Variants in TRIM36 observed in about 807,000 individuals in gnomAD.
TRIM36 encodes the protein tripartite motif containing 36.
In TRIM36, 42 loss-of-function variants were observed where a neutral mutation model predicts 72.4. That is an observed-to-expected ratio of 0.58 (90% CI 0.45 to 0.75). The LOEUF (loss-of-function observed/expected upper bound fraction) is 0.75, where lower values mean the gene tolerates loss of function less well. Among genes scored for constraint, TRIM36 ranks in the 30% least tolerant of loss-of-function variants. TRIM36 has a pLI of 0.00. For missense variants in TRIM36, 913 were observed against 857.1 expected (o/e 1.07, Z -0.81); for synonymous variants, 315 against 282.8 (o/e 1.11, Z -1.14).
In TRIM36 at chr5:115,144,640, GT is replaced by G; in HGVS notation, c.692del (p.Asn231ThrfsTer4). 1 of 1,614,138 alleles carries G rather than the reference GT, an allele frequency of 6.2e-7. No individual in the cohort carries two copies. The highest frequency in any genetic ancestry group is 8.5e-7 in the Non-Finnish European group (1 of 1,180,024). ...CACTGCTCATAGTGGTTACACGGTG[GT>G]TGGCATGATTACCACCCAACTTACA... ...HLCKLGGNHA[N>X]HRVTTMSSAY... On this transcript the variant is annotated frameshift_variant, in exon 4 of 10. Transcript: ENST00000513154. LOFTEE classifies it high-confidence loss of function.
chr5:115,173,187 A>C (rs1335442205), upstream of TRIM36, among the ~76,000 whole-genome samples: 1 of 152,142 alleles, frequency 6.6e-6, no homozygotes, highest in Non-Finnish European at 1.5e-5. Context: ...CAGTTCCTCA[A>C]GTTAAAATCC....
At chr5:115,129,287 G>A (rs1752525206) in intron 9 of TRIM36, among the ~76,000 whole-genome samples, 1 of 152,210 alleles carries the variant, frequency 6.6e-6, no homozygotes, top group African/African-American at 2.4e-5. Flanking sequence ...TACAGGCCAG[G>A]TGCGGTGGCT....
chr5:115,147,390 C>T lies in TRIM36; in HGVS notation c.267G>A (p.Trp89Ter), dbSNP rs1753649934. The change falls in exon 3 of 10, where the codon TGG (tryptophan) becomes TGA (stop). Residue 89 changes from tryptophan (W) to a stop codon, truncating the protein, a stop_gained. Coordinates refer to ENST00000513154, the MANE Select transcript of TRIM36 (RefSeq NM_001300759.2). LOFTEE classifies it high-confidence loss of function. Reference protein sequence around the residue: ...DKIDRINRPGWKRNSLTPRTT... With the variant: ...DKIDRINRPG ...TCCTCGGGGTCAATGAATTGCGCTT[C>T]CAGCCTGTGTAATTAGTAAGTCTTT... 1 of 1,608,944 alleles carries T rather than the reference C, an allele frequency of 6.2e-7. No individual in the cohort carries two copies. The highest frequency in any genetic ancestry group is 8.5e-7 in the Non-Finnish European group (1 of 1,175,544).
upstream of TRIM36, among the ~76,000 whole-genome samples, chr5:115,172,261 TACC>T (rs2126952907): frequency 6.6e-6 from 1 of 152,316 alleles, no homozygotes; most frequent in South Asian, 2.1e-4. Context: ...TAAATATTTT[TACC>T]TTTTGACTAA....
chr5:115,175,689 A>C (rs200304502), intron 1 of TRIM36, among the ~76,000 whole-genome samples: 1 of 146,682 alleles, frequency 6.8e-6, no homozygotes, highest in Non-Finnish European at 1.5e-5. Context: ...TAGTAAAAAA[A>C]AATAAGAGGA....
At chr5:115,148,341 G>A in intron 2 of TRIM36, 7 of 984,272 alleles carry the variant, frequency 7.1e-6, no homozygotes, top group Non-Finnish European at 8.4e-6. Flanking sequence ...CTTACCCATT[G>A]GTTCACAGGA....
intron 4 of TRIM36, 69 bp downstream of exon 4, chr5:115,144,529 A>T: frequency 1.0e-5 from 16 of 1,580,192 alleles, no homozygotes; most frequent in Non-Finnish European, 1.4e-5. Context: ...ATGATTTTAT[A>T]AATGAAAAGT....
intron 2 of TRIM36, among the ~76,000 whole-genome samples, chr5:115,160,303 T>G (rs1754412904): frequency 6.6e-6 from 1 of 152,150 alleles, no homozygotes; most frequent in African/African-American, 2.4e-5. Context: ...GTAGCCATAT[T>G]AAAAAAATTG....
intron 5 of TRIM36, among the ~76,000 whole-genome samples, chr5:115,140,673 T>TAC (rs1481172341): frequency 6.6e-6 from 1 of 152,212 alleles, no homozygotes; most frequent in Non-Finnish European, 1.5e-5. Context: ...TATTCCTTTG[T>TAC]ATCTGGCGCC....
upstream of TRIM36, among the ~76,000 whole-genome samples, chr5:115,172,877 G>A (rs893759382): frequency 6.6e-6 from 1 of 152,190 alleles, no homozygotes; most frequent in African/African-American, 2.4e-5. Flanking sequence ...GGAGAAGTAA[G>A]GGATGGAGTT....
chr5:115,175,817 A>T (rs927059399), intron 1 of TRIM36, among the ~76,000 whole-genome samples: 2 of 152,198 alleles, frequency 1.3e-5, no homozygotes, highest in African/African-American at 2.4e-5. Flanking sequence ...ACATATATTT[A>T]AAAAACCTTT....
At chr5:115,148,223 T>C in intron 2 of TRIM36, 2 of 616,938 alleles carry the variant, frequency 3.2e-6, no homozygotes, top group Non-Finnish European at 4.0e-6. Flanking sequence ...CCAAAAACAC[T>C]ACAAATAATT....
chr5:115,129,666 T>C (rs971882373), intron 9 of TRIM36, among the ~76,000 whole-genome samples: 2 of 152,316 alleles, frequency 1.3e-5, no homozygotes, highest in Non-Finnish European at 2.9e-5. Context: ...AAAAAGCATG[T>C]TTCATTCTCA....
At chr5:115,170,874 G>A (rs1436231901), upstream of TRIM36, among the ~76,000 whole-genome samples, 1 of 152,230 alleles carries the variant, frequency 6.6e-6, no homozygotes, top group Non-Finnish European at 1.5e-5. Context: ...GAACGTTAAG[G>A]CGCGCGCCAG....
chr5:115,137,087 G>T lies in TRIM36; in HGVS notation c.1123C>A (p.Pro375Thr). 2.5e-6 allele frequency: 4 copies of T among 1,607,952 alleles called. No homozygotes were observed. Among genetic ancestry groups the T allele is most frequent in the Admixed American group, 1.7e-5 (1 of 58,920 alleles). ...TCTTCAAAAGAAGTCTGAGCTGCAG[G>T]TCTAAAGCTCTTCAAAGATTCTGTG... is the stretch of plus-strand genomic sequence containing the variant. Reference protein sequence around the residue: ...KATESLKSFRPAAQTSFEDYV... With the variant: ...KATESLKSFRTAAQTSFEDYV... Residue 375 changes from proline to threonine, a missense_variant, in exon 7 of 10, where the codon CCT (proline) becomes ACT (threonine). Coordinates refer to ENST00000513154, the MANE Select transcript of TRIM36 (RefSeq NM_001300759.2).
At chr5:115,141,736 G>C (rs1753288264) in intron 4 of TRIM36, among the ~76,000 whole-genome samples, 1 of 151,972 alleles carries the variant, frequency 6.6e-6, no homozygotes, top group Non-Finnish European at 1.5e-5. Context: ...AAATAGTTTT[G>C]TCTTCAGATT....
chr5:115,130,726 A>G lies in TRIM36; in HGVS notation c.1662T>C (p.Asp554=). 1.9e-6 allele frequency: 3 copies of G among 1,614,174 alleles called. No individual in the cohort carries two copies. The highest frequency in any genetic ancestry group is 1.1e-5 in the South Asian group (1 of 91,082). The stretch of plus-strand genomic sequence containing the variant: ...AGTGTTTTCCTTTTGTAATGCCAGT[A>G]TCTCCAATGATGTAGTCTAAGCTTG... ...YYTSLDYIIG[D]TGITKGKHFW... is the part of the protein sequence containing the mutation. Residue 554 remains aspartate, a synonymous_variant, in exon 9 of 10, where the codon GAT becomes GAC. Coordinates refer to ENST00000513154, the MANE Select transcript of TRIM36 (RefSeq NM_001300759.2).
rs779320009 is a variant in TRIM36, at chr5:115,144,628, G to C, written c.705C>G (p.Thr235=). ...LGGNHANHRV[T]TMSSAYKTLK... ...AGGTTTTGTAGGCACTGCTCATAGT[G>C]GTTACACGGTGGTTGGCATGATTAC... Residue 235 remains threonine (T), a synonymous_variant, in exon 4 of 10, where the codon ACC becomes ACG. Transcript: ENST00000513154. The C allele has an allele frequency of 5.6e-6, 9 of 1,613,882 alleles. No individual in the cohort carries two copies. The highest frequency in any genetic ancestry group is 7.6e-6 in the Non-Finnish European group (9 of 1,180,006).
In TRIM36 at chr5:115,137,355, G is replaced by C. The variant is rs370655026; in HGVS notation, c.1085+8C>G. ...ATAGGTTCTAAAGTTAGAAGTAAAA[G>C]AGAATACCTGAGGTGGAGCTGCTTT... On this transcript the variant is annotated splice_region_variant and intron_variant, in intron 6 of 9. Transcript: ENST00000513154. 5.0e-6 allele frequency: 8 copies of C among 1,597,724 alleles called. 1 individual carries two copies. Among genetic ancestry groups the C allele is most frequent in the South Asian group, 4.6e-5 (4 of 87,602 alleles).
Sources: gnomAD v4.1 joint callset for allele counts (sites outside exome capture counted in the v4.1 genomes callset) on GRCh38, gnomAD v4.1.1 for gene constraint, MANE v1.5 for transcripts, NCBI Gene and HGNC (gene_info 2026-07-23, HGNC 2026-07-21) for gene names.